Variants in DEPDC5 observed in about 807,000 individuals in gnomAD.
DEPDC5 encodes the protein DEP domain containing 5, GATOR1 subcomplex subunit.
Under a neutral mutation model 217.3 loss-of-function variants are expected in DEPDC5, and 73 were observed. The observed-to-expected ratio is 0.34, with a 90% CI of 0.28 to 0.41. DEPDC5 has a LOEUF of 0.41. DEPDC5 is among the 10% of genes least tolerant of loss of function. The pLI is 1.00. For missense variants in DEPDC5, 1,675 were observed against 2,070.1 expected, an observed-to-expected ratio of 0.81 and a Z score of 3.70; for synonymous variants, 733 against 756.7, an observed-to-expected ratio of 0.97 and a Z score of 0.51.
chr22:31,846,991 C>T, intron 31 of DEPDC5, 24 bp downstream of exon 31: 1 of 1,614,222 alleles, frequency 6.2e-7, no homozygotes, highest in Non-Finnish European at 8.5e-7. Context: ...GGAAGACTGA[C>T]TTGTCCCCAC....
At position 31,796,181 on chromosome 22, in the gene DEPDC5, A is replaced by G. The variant is rs181509715; in HGVS notation, c.768-1419A>G. Among the ~76,000 whole-genome samples, 23 of 150,578 alleles carry G rather than the reference A, an allele frequency of 1.5e-4. No individual in the cohort carries two copies. In the East Asian group the frequency reaches 4.1e-3, roughly 27 times the overall value. ...AGTGGTGGGATCTTGGCTCACTGCAAGCTCTGCCTCCCAGGTTCACGCCAT... is the reference window on the plus strand; with the variant it reads ...AGTGGTGGGATCTTGGCTCACTGCAGGCTCTGCCTCCCAGGTTCACGCCAT... On this transcript the variant is annotated intron_variant, in intron 12 of 42. Coordinates refer to ENST00000651528, the MANE Select transcript of DEPDC5 (RefSeq NM_001242896.3).
chr22:31,839,182 C>T (rs2091238299), intron 27 of DEPDC5, among the ~76,000 whole-genome samples: 1 of 152,180 alleles, frequency 6.6e-6, no homozygotes, highest in South Asian at 2.1e-4. Flanking sequence ...GTTTCTAGTA[C>T]AGTACCTGGC....
intron 31 of DEPDC5, chr22:31,853,511 T>C (rs1427546681): frequency 1.3e-5 from 2 of 152,258 alleles, no homozygotes; most frequent in Admixed American, 1.3e-4. Context: ...GTTTTTCTTT[T>C]TCTTTCACTG....
chr22:31,902,423 T>C lies in DEPDC5; in HGVS notation c.4436+621T>C, dbSNP rs938647877. ...CATCTCCTTATTATATATATATATATATATATATATATACTTATATATACT... is the reference window on the plus strand; with the variant it reads ...CATCTCCTTATTATATATATATATACATATATATATATACTTATATATACT... On this transcript the variant is annotated intron_variant, in intron 41 of 42. Transcript: ENST00000651528. Among the ~76,000 whole-genome samples, 28 of 141,862 alleles carry C rather than the reference T, an allele frequency of 2.0e-4. 1 individual carries two copies. Among genetic ancestry groups the C allele is most frequent in the South Asian group, 1.5e-3 (7 of 4,524 alleles). 93.1% of individuals were successfully genotyped at this position (141,862 alleles called of 152,430 possible). A position where few individuals can be genotyped will look rare whatever the true frequency, so the allele number is the denominator to read the frequency against.
chr22:31,795,793 C>T (rs1463269808), intron 12 of DEPDC5, among the ~76,000 whole-genome samples: 4 of 150,876 alleles, frequency 2.7e-5, no homozygotes, highest in Non-Finnish European at 5.9e-5. Flanking sequence ...TGCAATGACA[C>T]GATCTCAGCT....
intron 2 of DEPDC5, among the ~76,000 whole-genome samples, chr22:31,756,089 C>T (rs1490276103): frequency 1.4e-5 from 2 of 138,530 alleles, no homozygotes; most frequent in African/African-American, 2.8e-5. Flanking sequence ...CACCATGTTT[C>T]CCAGGCTGGT....
At chr22:31,846,183 ACTGTACTTTTG>A (rs1374448997) in intron 30 of DEPDC5, among the ~76,000 whole-genome samples, 9 of 152,044 alleles carry the variant, frequency 5.9e-5, no homozygotes, top group African/African-American at 2.2e-4. Flanking sequence ...GTTCCTTATC[ACTGTACTTTTG>A]TCTTTTCCAA....
chr22:31,825,445 A>G (rs557029051), intron 24 of DEPDC5, among the ~76,000 whole-genome samples: 3 of 152,180 alleles, frequency 2.0e-5, no homozygotes, highest in African/African-American at 7.2e-5. Context: ...GCTCTGGCTC[A>G]GCCTTCTCTT....
At chr22:31,903,363 A>C (rs924691059) in intron 41 of DEPDC5, among the ~76,000 whole-genome samples, 1 of 35,068 alleles carries the variant, frequency 2.9e-5, no homozygotes, top group African/African-American at 1.2e-4. Context: ...TATTCCCCCC[A>C]CCTTCCACAC....
Position 31,810,528 on chromosome 22 carries a change from G to T in DEPDC5, c.1332G>T (p.Gly444=), listed in dbSNP as rs1385789924. Residue 444 remains glycine, a synonymous_variant, in exon 20 of 43, where the codon GGG becomes GGT. Transcript: ENST00000651528. ...ATTATTTGTGTATTTCAGCTCTCGG[G>T]AGTCCAAAAGAATCTGAGAACGCCC... ...KAKNGRDTSL[G]SPKESENALP... 6.2e-7 allele frequency: 1 copy of T among 1,613,968 alleles called. No homozygotes were observed. Among genetic ancestry groups the T allele is most frequent in the Non-Finnish European group, 8.5e-7 (1 of 1,180,024 alleles).
chr22:31,796,881 G>A (rs888885671), intron 12 of DEPDC5, among the ~76,000 whole-genome samples: 1 of 151,956 alleles, frequency 6.6e-6, no homozygotes, highest in African/African-American at 2.4e-5. Flanking sequence ...ATTTTTAGTA[G>A]AGATGGGGTT....
intron 4 of DEPDC5, among the ~76,000 whole-genome samples, chr22:31,764,421 T>G (rs191336138): frequency 6.6e-6 from 1 of 152,036 alleles, no homozygotes; most frequent in African/African-American, 2.4e-5. Flanking sequence ...CTTATTTAAT[T>G]TATTTATTTA....
At chr22:31,830,300 C>T (rs1202158688) in intron 24 of DEPDC5, among the ~76,000 whole-genome samples, 2 of 152,256 alleles carry the variant, frequency 1.3e-5, no homozygotes, top group Non-Finnish European at 2.9e-5. Flanking sequence ...TGAGATGACT[C>T]TTACCAGCAT....
intron 12 of DEPDC5, among the ~76,000 whole-genome samples, chr22:31,796,889 G>A (rs1464962734): frequency 6.6e-6 from 1 of 151,842 alleles, no homozygotes; most frequent in African/African-American, 2.4e-5. Flanking sequence ...TAGAGATGGG[G>A]TTTCACCGTG....
intron 38 of DEPDC5, among the ~76,000 whole-genome samples, chr22:31,888,825 C>T (rs974454408): frequency 2.0e-5 from 3 of 152,230 alleles, no homozygotes; most frequent in African/African-American, 7.2e-5. Flanking sequence ...AGATTACAGG[C>T]GTGAGCCACT....
At chr22:31,771,517 C>A (rs1278879835) in intron 7 of DEPDC5, among the ~76,000 whole-genome samples, 1 of 151,530 alleles carries the variant, frequency 6.6e-6, no homozygotes, top group Non-Finnish European at 1.5e-5. Context: ...ATCAGGAGAT[C>A]GAGACCATCC....
At chr22:31,791,117 C>T (rs949377928) in intron 10 of DEPDC5, among the ~76,000 whole-genome samples, 3 of 152,026 alleles carry the variant, frequency 2.0e-5, no homozygotes, top group African/African-American at 4.8e-5. Context: ...TCCAGCTACT[C>T]GGGAACTGGG....
At chr22:31,874,077 G>T in intron 35 of DEPDC5, 196 bp from the exon 36 acceptor site, 1 of 794,444 alleles carries the variant, frequency 1.3e-6, no homozygotes, top group Non-Finnish European at 1.9e-6. Flanking sequence ...ACAGGCGTGA[G>T]CGACCACGCT....
At chr22:31,770,744 A>G (rs1298270050) in intron 7 of DEPDC5, among the ~76,000 whole-genome samples, 1 of 151,090 alleles carries the variant, frequency 6.6e-6, no homozygotes, top group Non-Finnish European at 1.5e-5. Context: ...CAGTGGGGTC[A>G]CAGGGTGCAG....
Sources: allele counts gnomAD v4.1 joint callset (sites outside exome capture counted in the v4.1 genomes callset), GRCh38; gene constraint gnomAD v4.1.1; transcripts MANE v1.5; gene names NCBI Gene and HGNC (gene_info 2026-07-23, HGNC 2026-07-21).